The following PCDH15 variants were observed in gnomAD, a reference collection of about 807,000 sequenced individuals.
PCDH15 encodes protocadherin-15.
Under a neutral mutation model 178.5 loss-of-function variants are expected in PCDH15, and 129 were observed. The observed-to-expected ratio is 0.72, with a 90% CI of 0.63 to 0.84. PCDH15 has a LOEUF of 0.84. Ranked by LOEUF, PCDH15 falls within the 40% of genes least tolerant of loss-of-function variation. The pLI, the probability that PCDH15 is intolerant of heterozygous loss-of-function variation, is 0.00. For missense variants in PCDH15, 2,230 were observed against 2,099.9 expected, an observed-to-expected ratio of 1.06 and a Z score of -1.21; for synonymous variants, 800 against 732.0, an observed-to-expected ratio of 1.09 and a Z score of -1.50.
intron 2 of PCDH15, among the ~76,000 whole-genome samples, chr10:55,428,655 C>T: frequency 6.6e-6 from 1 of 151,756 alleles, no homozygotes; most frequent in East Asian, 1.9e-4. Flanking sequence ...TTAGGGCTTA[C>T]TTTTTTATTC....
chr10:54,786,986 G>A (rs1485455691), intron 1 of PCDH15, among the ~76,000 whole-genome samples: 1 of 151,558 alleles, frequency 6.6e-6, no homozygotes, highest in Admixed American at 6.6e-5. Flanking sequence ...AGATTTGTTT[G>A]TTCTAGGTTT....
At chr10:54,758,473 T>C (rs1345962991) in intron 1 of PCDH15, among the ~76,000 whole-genome samples, 2 of 152,204 alleles carry the variant, frequency 1.3e-5, no homozygotes, top group African/African-American at 4.8e-5. Context: ...ATTTTTGACT[T>C]ACAGTGTTGT....
intron 2 of PCDH15, among the ~76,000 whole-genome samples, chr10:55,332,813 G>A (rs879574676): frequency 5.3e-5 from 8 of 152,032 alleles, no homozygotes; most frequent in South Asian, 2.1e-4. Flanking sequence ...CACGCCTTTC[G>A]CCTTCTGCCT....
intron 23 of PCDH15, among the ~76,000 whole-genome samples, chr10:53,947,264 A>G (rs931557922): frequency 1.3e-5 from 2 of 152,154 alleles, no homozygotes; most frequent in Admixed American, 1.3e-4. Context: ...TTTAAAATCT[A>G]CTTTTATTGT....
chr10:54,116,192 G>A (rs947301573), intron 15 of PCDH15, among the ~76,000 whole-genome samples: 15 of 146,024 alleles, frequency 1.0e-4, no homozygotes, highest in Admixed American at 6.3e-4. Context: ...GATGGGTTGA[G>A]TAAGATGAGA....
rs545953522 is a variant in PCDH15 at position 55,192,524 on chromosome 10, A to G, written c.-155-25873T>C. ...TTTTAATACTTTTCCTGCCTTTGATAAAGTTTCCTTTGCAATGTTTTGGAT... is the reference window on the plus strand; with the variant it reads ...TTTTAATACTTTTCCTGCCTTTGATGAAGTTTCCTTTGCAATGTTTTGGAT... On this transcript the variant is annotated intron_variant, in intron 1 of 5. Transcript: ENST00000458638. Among the ~76,000 whole-genome samples the G allele has an allele frequency of 5.1e-4, 77 of 151,772 alleles. 1 individual carries two copies. Among genetic ancestry groups the G allele is most frequent in the Non-Finnish European group, 4.7e-4 (32 of 67,856 alleles).
At chr10:55,512,854 C>T (rs911851186) in intron 2 of PCDH15, 11 of 152,076 alleles carry the variant, frequency 7.2e-5, no homozygotes, top group African/African-American at 2.6e-4. Flanking sequence ...CTACAGGAAA[C>T]CAAGATGACA....
At chr10:55,130,074 G>T (rs1027918158) in intron 2 of PCDH15, among the ~76,000 whole-genome samples, 3 of 152,130 alleles carry the variant, frequency 2.0e-5, no homozygotes, top group Non-Finnish European at 2.9e-5. Flanking sequence ...TACAGATGAA[G>T]GTTGAGAACA....
At chr10:54,346,232 G>C in intron 6 of PCDH15, 133 bp downstream of exon 6, 1 of 848,668 alleles carries the variant, frequency 1.2e-6, no homozygotes, top group Non-Finnish European at 1.8e-6. Flanking sequence ...TCAATTTTGA[G>C]ACATTTTTAA....
intron 2 of PCDH15, among the ~76,000 whole-genome samples, chr10:55,383,495 G>A (rs1837585188): frequency 6.6e-6 from 1 of 152,188 alleles, no homozygotes; most frequent in African/African-American, 2.4e-5. Context: ...CCTTTGCTGG[G>A]GAACCATCCT....
intron 18 of PCDH15, among the ~76,000 whole-genome samples, chr10:54,038,298 A>G (rs2093464939): frequency 6.6e-6 from 1 of 151,866 alleles, no homozygotes; most frequent in Non-Finnish European, 1.5e-5. Context: ...TTGAAGAAAA[A>G]GCTATACTGT....
Position 54,480,363 on chromosome 10 carries a change from T to C in PCDH15, c.157+47449A>G, listed in dbSNP as rs530637341. ...AACTCAATGGAGGTTAAGTAGCATATCACTGCCAAAGAGATTCTCTAGCAC... is the reference window on the plus strand; with the variant it reads ...AACTCAATGGAGGTTAAGTAGCATACCACTGCCAAAGAGATTCTCTAGCAC... On this transcript the variant is annotated intron_variant, in intron 3 of 37. Coordinates refer to ENST00000644397, the MANE Select transcript of PCDH15 (RefSeq NM_001384140.1). Among the ~76,000 whole-genome samples, 3 of 152,182 alleles carry C rather than the reference T, an allele frequency of 2.0e-5. No individual in the cohort carries two copies. In the East Asian group the frequency reaches 5.8e-4, roughly 29 times the overall value.
At chr10:55,121,364 G>GT (rs1317157178) in intron 2 of PCDH15, among the ~76,000 whole-genome samples, 1 of 149,876 alleles carries the variant, frequency 6.7e-6, no homozygotes. Context: ...GAGCTGGGGG[G>GT]GGGCAATTTG....
chr10:54,292,058 T>C (rs564348190), intron 8 of PCDH15, among the ~76,000 whole-genome samples: 1 of 152,298 alleles, frequency 6.6e-6, no homozygotes, highest in Admixed American at 6.5e-5. Flanking sequence ...TGAACATTGA[T>C]GCAAAAATCC....
At chr10:54,519,167 TC>T (rs1212772092) in intron 3 of PCDH15, among the ~76,000 whole-genome samples, 4 of 152,090 alleles carry the variant, frequency 2.6e-5, no homozygotes, top group Non-Finnish European at 5.9e-5. Context: ...AGGGATGCCC[TC>T]TCTCACCACT....
chr10:53,903,058 A>T (rs2133661297), intron 26 of PCDH15, among the ~76,000 whole-genome samples, 185 bp downstream of exon 26: 1 of 152,262 alleles, frequency 6.6e-6, no homozygotes, highest in South Asian at 2.1e-4. Flanking sequence ...AAACTCAAGA[A>T]GTTGCTTAGT....
chr10:54,319,194 T>G (rs975531988), intron 7 of PCDH15, among the ~76,000 whole-genome samples: 1 of 152,180 alleles, frequency 6.6e-6, no homozygotes, highest in African/African-American at 2.4e-5. Flanking sequence ...CTTTTTGAAT[T>G]CTATTTTGTA....
chr10:55,278,095 G>A (rs545678019), intron 1 of PCDH15, among the ~76,000 whole-genome samples: 1 of 152,238 alleles, frequency 6.6e-6, no homozygotes, highest in South Asian at 2.1e-4. Context: ...TGTCAATGCA[G>A]TCAAAGGTTA....
At chr10:55,553,279 A>C (rs1229025516) in intron 2 of PCDH15, among the ~76,000 whole-genome samples, 1 of 151,594 alleles carries the variant, frequency 6.6e-6, no homozygotes, top group African/African-American at 2.4e-5. Context: ...TCTGATTCTC[A>C]AAGTACGCAA....
Sources: allele counts gnomAD v4.1 joint callset (sites outside exome capture counted in the v4.1 genomes callset), GRCh38; gene constraint gnomAD v4.1.1; transcripts MANE v1.5; gene names NCBI Gene and HGNC (gene_info 2026-07-23, HGNC 2026-07-21).